Variants in JPH3 observed in about 807,000 individuals in gnomAD.
JPH3 encodes the protein junctophilin 3, also known as junctophilin-3.
In JPH3, 11 loss-of-function variants were observed where a neutral mutation model predicts 59.6. The observed-to-expected ratio is 0.18, with a 90% CI of 0.12 to 0.31. JPH3 has a LOEUF of 0.31. Ranked by LOEUF, JPH3 falls within the 10% of genes least tolerant of loss-of-function variation. JPH3 has a pLI of 1.00. For synonymous variants in JPH3, 673 were observed against 483.6 expected (o/e 1.39, Z -5.14); for missense variants, 1,202 against 1,105.7 (o/e 1.09, Z -1.24).
chr16:87,605,238 C>G (rs544213736), intron 1 of JPH3, among the ~76,000 whole-genome samples: 2 of 152,352 alleles, frequency 1.3e-5, no homozygotes, highest in South Asian at 4.1e-4. Context: ...TTCGTTGTCT[C>G]TGAAACTCCT....
At chr16:87,659,394 A>AAAAAAAAAAAAAAAAC (rs2032626502) in intron 2 of JPH3, among the ~76,000 whole-genome samples, 1 of 143,852 alleles carries the variant, frequency 7.0e-6, no homozygotes. Context: ...AAAGAAAAAA[A>AAAAAAAAAAAAAAAAC]AAAAGAAAAC....
intron 4 of JPH3, chr16:87,695,968 T>C (rs2142852831): frequency 2.2e-6 from 1 of 456,000 alleles, no homozygotes; most frequent in Non-Finnish European, 4.4e-6. Context: ...GGCAGCAGCA[T>C]TCAGGACCAT....
chr16:87,658,097 G>A (rs371662940), intron 2 of JPH3, among the ~76,000 whole-genome samples: 73 of 152,182 alleles, frequency 4.8e-4, no homozygotes, highest in East Asian at 7.7e-4. Flanking sequence ...TGCGGCCCAC[G>A]CTTCAGTGTG....
intron 2 of JPH3, among the ~76,000 whole-genome samples, chr16:87,679,075 C>T (rs1231004673): frequency 6.6e-6 from 1 of 152,174 alleles, no homozygotes; most frequent in Non-Finnish European, 1.5e-5. Flanking sequence ...TCTTGCAGCC[C>T]CAGGCGCAGA....
At chr16:87,652,264 C>T (rs992063846) in intron 2 of JPH3, among the ~76,000 whole-genome samples, 26 of 152,186 alleles carry the variant, frequency 1.7e-4, no homozygotes, top group African/African-American at 2.4e-4. Flanking sequence ...CGTGAGCCAC[C>T]GCGCCCAGCC....
intron 2 of JPH3, among the ~76,000 whole-genome samples, chr16:87,658,710 C>T (rs1425625617): frequency 6.6e-6 from 1 of 152,310 alleles, no homozygotes; most frequent in South Asian, 2.1e-4. Context: ...AGGACTCACC[C>T]CCCTGCAGTG....
In JPH3 at chr16:87,696,361, C is replaced by G. The variant is rs1161908256; in HGVS notation, c.2167-219C>G. The G allele has an allele frequency of 8.5e-6, 5 of 589,202 alleles. No homozygotes were observed. In the East Asian group the frequency reaches 1.4e-4, roughly 17 times the overall value. 36.5% of individuals were successfully genotyped at this position (589,202 alleles called of 1,614,324 possible). A position where few individuals can be genotyped will look rare whatever the true frequency, so the allele number is the denominator to read the frequency against. On this transcript the variant is annotated intron_variant, in intron 4 of 4. Transcript: ENST00000284262. ...CCAAGGGAATTCCAGGACCAGCAAC[C>G]TCAGACGTACAGGCAGCTGGGGCTT... is the stretch of plus-strand genomic sequence containing the variant.
chr16:87,616,219 TG>T (rs2030958167), intron 1 of JPH3, among the ~76,000 whole-genome samples: 5 of 145,882 alleles, frequency 3.4e-5, no homozygotes, highest in East Asian at 2.0e-4. Flanking sequence ...TGTGTGTGTG[TG>T]TGTGTGTGTG....
chr16:87,630,124 C>G (rs2031517663), intron 1 of JPH3, among the ~76,000 whole-genome samples: 2 of 152,148 alleles, frequency 1.3e-5, no homozygotes, highest in African/African-American at 4.8e-5. Flanking sequence ...TGAGTCTTGT[C>G]CCCACAGCAC....
intron 1 of JPH3, among the ~76,000 whole-genome samples, chr16:87,619,639 C>T (rs963048974): frequency 6.6e-6 from 1 of 152,176 alleles, no homozygotes; most frequent in Non-Finnish European, 1.5e-5. Flanking sequence ...CTCCGGTCCT[C>T]GGACACCACG....
At chr16:87,673,104 C>T (rs1468380316) in intron 2 of JPH3, among the ~76,000 whole-genome samples, 1 of 151,958 alleles carries the variant, frequency 6.6e-6, no homozygotes, top group Non-Finnish European at 1.5e-5. Context: ...CGAGATCGCA[C>T]CGTTGCACTC....
At chr16:87,623,451 C>T (rs1465946168) in intron 1 of JPH3, among the ~76,000 whole-genome samples, 1 of 152,212 alleles carries the variant, frequency 6.6e-6, no homozygotes, top group Non-Finnish European at 1.5e-5. Flanking sequence ...GGGGGACATG[C>T]CGTTTCCATG....
chr16:87,660,439 C>A (rs2150858754), intron 2 of JPH3, among the ~76,000 whole-genome samples: 1 of 152,248 alleles, frequency 6.6e-6, no homozygotes, highest in African/African-American at 2.4e-5. Context: ...AGGGCTCTGT[C>A]CCCAAGTGGC....
intron 2 of JPH3, among the ~76,000 whole-genome samples, chr16:87,682,455 G>C (rs759858675): frequency 2.0e-5 from 3 of 152,126 alleles, no homozygotes; most frequent in Non-Finnish European, 2.9e-5. Flanking sequence ...GAGGTGATGG[G>C]GCTGAGGACT....
In JPH3 at chr16:87,644,604, C is replaced by T. The variant is rs1436956901; in HGVS notation, c.729C>T (p.Ser243=). Residue 243 remains serine, a synonymous_variant, in exon 2 of 5, where the codon TCC becomes TCT. Transcript: ENST00000284262. ...SLASQRSKQS[S]FRSEAGMSTV... is the part of the protein sequence containing the mutation. Reference sequence around the variant, plus strand: ...CCAGCCAACGCAGCAAGCAGAGCTCCTTTCGCAGCGAGGCGGGCATGAGCA... The same window carrying T: ...CCAGCCAACGCAGCAAGCAGAGCTCTTTTCGCAGCGAGGCGGGCATGAGCA... 3 of 1,612,924 alleles carry T rather than the reference C, an allele frequency of 1.9e-6. No individual in the cohort carries two copies. Among genetic ancestry groups the T allele is most frequent in the Non-Finnish European group, 2.5e-6 (3 of 1,179,916 alleles).
chr16:87,606,727 T>C (rs948119903), intron 1 of JPH3, among the ~76,000 whole-genome samples: 1 of 152,206 alleles, frequency 6.6e-6, no homozygotes, highest in Admixed American at 6.5e-5. Context: ...TATTTACCGT[T>C]AGTTTTTTCA....
intron 1 of JPH3, among the ~76,000 whole-genome samples, chr16:87,623,433 C>A (rs1372610424): frequency 2.0e-5 from 3 of 152,186 alleles, no homozygotes; most frequent in Non-Finnish European, 4.4e-5. Context: ...TGTTTGCTCC[C>A]GCTGTGTGGG....
rs750593600 is a variant in JPH3, at chr16:87,689,811, C to T, written c.1451C>T (p.Pro484Leu). The change falls in exon 4 of 5, where the codon CCC (proline) becomes CTC (leucine). Residue 484 changes from proline (P) to leucine (L), a missense_variant. Coordinates refer to ENST00000284262, the MANE Select transcript of JPH3 (RefSeq NM_020655.4). ...DSPLQSFPTSPAATPPPAPAA... is the reference protein window; with the variant it reads ...DSPLQSFPTSLAATPPPAPAA... ...CCCCTGCAGAGCTTCCCCACCAGCC[C>T]CGCGGCCACCCCGCCGCCCGCGCCC... 6.3e-6 allele frequency: 10 copies of T among 1,582,222 alleles called. No individual in the cohort carries two copies. In the African/African-American group the frequency reaches 9.5e-5, roughly 15 times the overall value.
chr16:87,695,460 G>A lies in JPH3; in HGVS notation c.2167-1120G>A, dbSNP rs139576206. The A allele has an allele frequency of 1.3e-3, 584 of 455,954 alleles. 2 individuals are homozygous for A. The highest frequency in any genetic ancestry group is 0.011 in the African/African-American group (532 of 50,128). The allele number at this position is 455,954 out of a possible 1,614,324, so 28.2% of individuals were successfully genotyped here. ...CGTGGTAGGAAGTGGAGGGCTCCGG[G>A]GGCTCTGAACAGCTCCTTACCACAG... On this transcript the variant is annotated intron_variant, in intron 4 of 4. Coordinates refer to ENST00000284262, the MANE Select transcript of JPH3 (RefSeq NM_020655.4).
Sources: allele counts gnomAD v4.1 joint callset (sites outside exome capture counted in the v4.1 genomes callset), GRCh38; gene constraint gnomAD v4.1.1; transcripts MANE v1.5; gene names NCBI Gene and HGNC (gene_info 2026-07-23, HGNC 2026-07-21).